The following S100A16 variants were observed in gnomAD, a reference collection of about 807,000 sequenced individuals.
S100A16 encodes S100 calcium binding protein A16, also known as protein S100-A16.
In S100A16, 8 loss-of-function variants were observed where a neutral mutation model predicts 9.0. That is an observed-to-expected ratio of 0.89 (90% CI 0.52 to 1.60). The LOEUF is 1.60. S100A16 is among the 40% of genes most tolerant of loss of function. S100A16 has a pLI of 0.00. For synonymous variants in S100A16, 51 were observed against 51.4 expected (o/e 0.99, Z 0.04); for missense variants, 138 against 132.4 (o/e 1.04, Z -0.21).
intron 1 of S100A16, among the ~76,000 whole-genome samples, chr1:153,611,711 C>T (rs1666838134): frequency 6.6e-6 from 1 of 152,234 alleles, no homozygotes; most frequent in East Asian, 1.9e-4. Flanking sequence ...ACTGGGCTGA[C>T]AATGCCACCT....
chr1:153,608,066 A>G lies in S100A16; in HGVS notation c.86T>C (p.Val29Ala), dbSNP rs753745154. 1.2e-6 allele frequency: 2 copies of G among 1,614,032 alleles called. No homozygotes were observed. Among genetic ancestry groups the G allele is most frequent in the South Asian group, 2.2e-5 (2 of 91,084 alleles). The stretch of plus-strand genomic sequence containing the variant: ...GCTGCTCTTGCTGATCTTGTTCTTG[A>G]CCAGGCTGTACTTAGACACATATTT... ...FYKYVSKYSL[V>A]KNKISKSSFR... The change falls in exon 2 of 3, where the codon GTC (valine) becomes GCC (alanine). Residue 29 changes from valine (V) to alanine (A), a missense_variant. Physicochemically the swap from Val to Ala is moderately conservative, Grantham distance 64. Coordinates refer to ENST00000368706, the MANE Select transcript of S100A16 (RefSeq NM_080388.3).
At chr1:153,607,822 A>C (rs1666731099) in intron 2 of S100A16, 130 bp from the exon 3 acceptor site, 1 of 1,282,892 alleles carries the variant, frequency 7.8e-7, no homozygotes, top group African/African-American at 1.5e-5. Context: ...TATAGCCCTC[A>C]CTGGCTAGGC....
intron 1 of S100A16, among the ~76,000 whole-genome samples, chr1:153,610,678 G>A (rs1279002773): frequency 1.3e-5 from 2 of 152,194 alleles, no homozygotes; most frequent in African/African-American, 2.4e-5. Context: ...GGACAGTGCT[G>A]GAGATAACCA....
rs1371898264 is a variant in S100A16, at chr1:153,612,983, G to A, written c.-58C>T. 1 of 152,568 alleles carries A rather than the reference G, an allele frequency of 6.6e-6. No homozygotes were observed. The highest frequency in any genetic ancestry group is 1.9e-4 in the East Asian group (1 of 5,174). The allele number at this position is 152,568 out of a possible 1,614,324, so 9.5% of individuals were successfully genotyped here. On this transcript the variant is annotated 5_prime_UTR_variant, in exon 1 of 3. Transcript: ENST00000368706. ...CCTCAGTCTGCCTCCTCTCCAGCAG[G>A]GCTCTGGGGCCTGGGCTCTGGCACT...
At chr1:153,610,788 G>A (rs1666817876) in intron 1 of S100A16, among the ~76,000 whole-genome samples, 1 of 152,086 alleles carries the variant, frequency 6.6e-6, no homozygotes, top group Non-Finnish European at 1.5e-5. Context: ...TGGAGGCCAG[G>A]AGACAGGATC....
Position 153,608,056 on chromosome 1 carries a change from C to A in S100A16, c.96G>T (p.Lys32Asn). 6.2e-7 allele frequency: 1 copy of A among 1,614,104 alleles called. No homozygotes were observed. Among genetic ancestry groups the A allele is most frequent in the Non-Finnish European group, 8.5e-7 (1 of 1,179,974 alleles). ...YVSKYSLVKNKISKSSFREML... is the reference protein window; with the variant it reads ...YVSKYSLVKNNISKSSFREML... ...TCTCGCGGAAGCTGCTCTTGCTGAT[C>A]TTGTTCTTGACCAGGCTGTACTTAG... Residue 32 changes from lysine to asparagine, a missense_variant, in exon 2 of 3, where the codon AAG becomes AAT. Physicochemically the swap from Lys to Asn is moderately conservative, Grantham distance 94 (BLOSUM62 0). Coordinates refer to ENST00000368706, the MANE Select transcript of S100A16 (RefSeq NM_080388.3).
intron 1 of S100A16, among the ~76,000 whole-genome samples, chr1:153,611,917 T>TCTCACACA (rs745663701): frequency 1.9e-3 from 269 of 140,898 alleles, no homozygotes; most frequent in African/African-American, 6.1e-3. Flanking sequence ...TGTCTCTCTC[T>TCTCACACA]CACACACACA....
chr1:153,612,350 T>G (rs1666856435), intron 1 of S100A16, among the ~76,000 whole-genome samples: 1 of 152,036 alleles, frequency 6.6e-6, no homozygotes, highest in South Asian at 2.1e-4. Context: ...CCCAGGGAGC[T>G]TGCAGGCTCC....
chr1:153,611,917 T>TCTCA lies in S100A16; in HGVS notation c.-27+1034_-27+1035insTGAG, dbSNP rs745663701. 2.3e-3 allele frequency among the ~76,000 whole-genome samples: 329 copies of TCTCA among 140,896 alleles called. 1 individual carries two copies. The highest frequency in any genetic ancestry group is 6.5e-3 in the African/African-American group (249 of 38,022). 92.4% of individuals were successfully genotyped at this position (140,896 alleles called of 152,430 possible). ...GCGTCTAACTCTCTTTGTCTCTCTCTCACACACACACACACACACACACAC... is the reference window on the plus strand; with the variant it reads ...GCGTCTAACTCTCTTTGTCTCTCTCTCTCACACACACACACACACACACACACAC... On this transcript the variant is annotated intron_variant, in intron 1 of 2. Coordinates refer to ENST00000368706, the MANE Select transcript of S100A16 (RefSeq NM_080388.3).
At chr1:153,610,861 A>C (rs1396380835) in intron 1 of S100A16, among the ~76,000 whole-genome samples, 1 of 144,254 alleles carries the variant, frequency 6.9e-6, no homozygotes, top group Non-Finnish European at 1.5e-5. Flanking sequence ...CCCACCAGCC[A>C]GGCCCCGGGT....
Position 153,607,500 on chromosome 1 carries a change from G to T in S100A16, c.*34C>A. ...GGGAGAGCACCAGGGCGGGGCATCA[G>T]GCCAGTGCCTGGAAGGTGTGGCCAA... is the stretch of plus-strand genomic sequence containing the variant. On this transcript the variant is annotated 3_prime_UTR_variant, in exon 3 of 3. Coordinates refer to ENST00000368706, the MANE Select transcript of S100A16 (RefSeq NM_080388.3). 2 of 1,613,340 alleles carry T rather than the reference G, an allele frequency of 1.2e-6. No homozygotes were observed. Among genetic ancestry groups the T allele is most frequent in the South Asian group, 1.1e-5 (1 of 91,048 alleles).
Position 153,607,078 on chromosome 1 carries a change from G to A in S100A16, c.*456C>T, listed in dbSNP as rs1666704642. ...CTCTCTACCCAGCAGAGGGGCTAAGGGAAAGTGGAGAGGTCTCTGCTGCTG... is the reference window on the plus strand; with the variant it reads ...CTCTCTACCCAGCAGAGGGGCTAAGAGAAAGTGGAGAGGTCTCTGCTGCTG... On this transcript the variant is annotated 3_prime_UTR_variant, in exon 3 of 3. Transcript: ENST00000368706. 3 of 425,814 alleles carry A rather than the reference G, an allele frequency of 7.0e-6. No homozygotes were observed. Among genetic ancestry groups the A allele is most frequent in the Admixed American group, 5.4e-5 (2 of 37,368 alleles). The allele number at this position is 425,814 out of a possible 1,614,324, so 26.4% of individuals were successfully genotyped here.
intron 1 of S100A16, among the ~76,000 whole-genome samples, chr1:153,610,936 G>A (rs1016311640): frequency 1.3e-5 from 2 of 152,086 alleles, no homozygotes; most frequent in Non-Finnish European, 2.9e-5. Flanking sequence ...GGTCAAGCAG[G>A]AGGTCGTTCC....
intron 1 of S100A16, among the ~76,000 whole-genome samples, chr1:153,610,065 G>A (rs188020663): frequency 6.6e-6 from 1 of 152,288 alleles, no homozygotes; most frequent in Admixed American, 6.5e-5. Flanking sequence ...TGTCTATACC[G>A]CTGCAAGACT....
chr1:153,608,724 C>T lies in S100A16; in HGVS notation c.-26-547G>A, dbSNP rs115911655. Among the ~76,000 whole-genome samples, 204 of 152,304 alleles carry T rather than the reference C, an allele frequency of 1.3e-3. 1 individual carries two copies. The highest frequency in any genetic ancestry group is 2.1e-3 in the Non-Finnish European group (146 of 68,014). Reference sequence around the variant, plus strand: ...TGCCGGGCTCCAGGACAGTGAGTCCCGGGTCTCAGAACCTGGCTGCCCCTT... The same window carrying T: ...TGCCGGGCTCCAGGACAGTGAGTCCTGGGTCTCAGAACCTGGCTGCCCCTT... On this transcript the variant is annotated intron_variant, in intron 1 of 2. Transcript: ENST00000368706.
Position 153,607,438 on chromosome 1 carries a change from G to A in S100A16, c.*96C>T. ...AGGTCTGGAGGGAGAAGAGAGTAAA[G>A]GGCCCTGGGTGGGCAGGAGGCTGAG... is the stretch of plus-strand genomic sequence containing the variant. On this transcript the variant is annotated 3_prime_UTR_variant, in exon 3 of 3. Coordinates refer to ENST00000368706, the MANE Select transcript of S100A16 (RefSeq NM_080388.3). The A allele has an allele frequency of 2.1e-6, 3 of 1,431,564 alleles. No individual in the cohort carries two copies. Among genetic ancestry groups the A allele is most frequent in the Admixed American group, 3.5e-5 (2 of 57,202 alleles). 88.7% of individuals were successfully genotyped at this position (1,431,564 alleles called of 1,614,324 possible).
In S100A16 at chr1:153,607,643, G is replaced by A. The variant is rs1666725524; in HGVS notation, c.203C>T (p.Ala68Val). 1.2e-6 allele frequency: 2 copies of A among 1,614,196 alleles called. No individual in the cohort carries two copies. The highest frequency in any genetic ancestry group is 2.2e-5 in the South Asian group (2 of 91,090). The change falls in exon 3 of 3, where the codon GCC becomes GTC. Residue 68 changes from alanine (A) to valine (V), a missense_variant. Coordinates refer to ENST00000368706, the MANE Select transcript of S100A16 (RefSeq NM_080388.3). ...GAAGCTGATGCGCCCATCATGATTG[G>A]CATCCAGGTTCTGGATGAGCTTATC... ...AADKLIQNLD[A>V]NHDGRISFDE...
At chr1:153,608,832 T>C in intron 1 of S100A16, 2 of 758,634 alleles carry the variant, frequency 2.6e-6, no homozygotes, top group Non-Finnish European at 3.2e-6. Context: ...TGCTAGCCTC[T>C]CCTCCCTTAT....
Position 153,607,323 on chromosome 1 carries a change from C to G in S100A16, c.*211G>C, listed in dbSNP as rs1477316027. On this transcript the variant is annotated 3_prime_UTR_variant, in exon 3 of 3. Coordinates refer to ENST00000368706, the MANE Select transcript of S100A16 (RefSeq NM_080388.3). ...CTCACAGAGGGGCCCCAAGGGCCTG[C>G]GACTCCAGGAGCTGAGACCCCCCAG... 1 of 630,566 alleles carries G rather than the reference C, an allele frequency of 1.6e-6. No homozygotes were observed. Among genetic ancestry groups the G allele is most frequent in the Non-Finnish European group, 2.7e-6 (1 of 367,078 alleles). The allele number at this position is 630,566 out of a possible 1,614,324, so 39.1% of individuals were successfully genotyped here.
Sources: allele counts gnomAD v4.1 joint callset (sites outside exome capture counted in the v4.1 genomes callset), GRCh38; gene constraint gnomAD v4.1.1; transcripts MANE v1.5; gene names NCBI Gene and HGNC (gene_info 2026-07-23, HGNC 2026-07-21).